ROBO1: variants seen among roughly 807,000 people sequenced by gnomAD.
ROBO1 encodes roundabout homolog 1.
ROBO1 carries 149 observed loss-of-function variants against 195.9 expected under a neutral mutation model. The observed-to-expected ratio is 0.76, with a 90% CI of 0.67 to 0.87. ROBO1 has a LOEUF of 0.87. Among genes scored for constraint, ROBO1 ranks in the 40% least tolerant of loss-of-function variants. The pLI is 0.00. For missense variants in ROBO1, 1,933 were observed against 2,068.3 expected (o/e 0.93, Z 1.27); for synonymous variants, 816 against 733.2 (o/e 1.11, Z -1.82).
At chr3:79,162,072 C>A (rs1203489537) in intron 2 of ROBO1, among the ~76,000 whole-genome samples, 1 of 151,806 alleles carries the variant, frequency 6.6e-6, no homozygotes, top group African/African-American at 2.4e-5. Context: ...TGTTTTGAAT[C>A]AGGAAGAGAA....
intron 3 of ROBO1, among the ~76,000 whole-genome samples, chr3:79,025,218 C>A (rs982670247): frequency 6.6e-5 from 10 of 152,156 alleles, no homozygotes; most frequent in Admixed American, 5.9e-4. Context: ...AATCTGTGAA[C>A]TCGCACTCTC....
At chr3:78,764,983 T>G (rs1036637745) in intron 4 of ROBO1, among the ~76,000 whole-genome samples, 1 of 152,200 alleles carries the variant, frequency 6.6e-6, no homozygotes, top group Non-Finnish European at 1.5e-5. Flanking sequence ...ATAGTCGTGA[T>G]TTTGATTCAA....
At chr3:78,776,030 T>A (rs1446993416) in intron 4 of ROBO1, among the ~76,000 whole-genome samples, 2 of 152,168 alleles carry the variant, frequency 1.3e-5, no homozygotes, top group Non-Finnish European at 2.9e-5. Context: ...CAGAATTACA[T>A]CTTTATGGTT....
chr3:79,600,857 AATG>A (rs1287827847), intron 1 of ROBO1, among the ~76,000 whole-genome samples: 2 of 152,016 alleles, frequency 1.3e-5, no homozygotes, highest in Non-Finnish European at 2.9e-5. Context: ...ATTATACTAA[AATG>A]ATGATTTTTG....
chr3:79,277,527 A>G (rs961594052), intron 2 of ROBO1, among the ~76,000 whole-genome samples: 16 of 152,202 alleles, frequency 1.1e-4, no homozygotes, highest in African/African-American at 3.4e-4. Context: ...GTACAAAAAT[A>G]TGGTTATATA....
intron 4 of ROBO1, among the ~76,000 whole-genome samples, chr3:78,832,792 T>G (rs927512824): frequency 6.6e-6 from 1 of 152,084 alleles, no homozygotes; most frequent in Non-Finnish European, 1.5e-5. Flanking sequence ...TTCTTGAGGA[T>G]AACAGTGAAA....
At chr3:79,589,487 G>T (rs1165198057) in intron 2 of ROBO1, among the ~76,000 whole-genome samples, 1 of 151,564 alleles carries the variant, frequency 6.6e-6, no homozygotes, top group East Asian at 1.9e-4. Context: ...CTGTGGCTTA[G>T]GTTTCCTTTG....
intron 2 of ROBO1, among the ~76,000 whole-genome samples, chr3:79,532,591 G>A (rs1325083661): frequency 4.6e-5 from 7 of 151,566 alleles, no homozygotes; most frequent in Non-Finnish European, 8.8e-5. Flanking sequence ...AGAGCAACAG[G>A]CAACACATAT....
At chr3:78,916,378 C>A (rs540167146) in intron 4 of ROBO1, among the ~76,000 whole-genome samples, 59 of 151,586 alleles carry the variant, frequency 3.9e-4, no homozygotes, top group Non-Finnish European at 6.6e-4. Flanking sequence ...GTGGTGAAAC[C>A]CCATCTCTAC....
intron 2 of ROBO1, among the ~76,000 whole-genome samples, chr3:79,537,990 A>G (rs11714977): frequency 0.57 from 86,942 of 151,996 alleles, 24,985 homozygotes; most frequent in Non-Finnish European, 0.6. Flanking sequence ...AAAGTTTACA[A>G]ATTTGTGTTG....
intron 28 of ROBO1, chr3:78,607,338 G>A (rs1434204873): frequency 3.4e-5 from 11 of 321,558 alleles, no homozygotes; most frequent in South Asian, 8.4e-5. Context: ...TCAGCCTCCC[G>A]AGTAGCTAGG....
At chr3:78,755,442 C>T (rs1017719627) in intron 4 of ROBO1, among the ~76,000 whole-genome samples, 2 of 151,992 alleles carry the variant, frequency 1.3e-5, no homozygotes, top group Admixed American at 1.3e-4. Context: ...CTACTGCATT[C>T]CAGCCTGAGC....
intron 3 of ROBO1, among the ~76,000 whole-genome samples, chr3:78,970,173 A>T (rs2076732330): frequency 6.6e-6 from 1 of 152,184 alleles, no homozygotes; most frequent in African/African-American, 2.4e-5. Flanking sequence ...TTTTCATTAT[A>T]TTGATTTTGA....
chr3:79,371,075 C>G (rs553833770), intron 2 of ROBO1, among the ~76,000 whole-genome samples: 1 of 152,038 alleles, frequency 6.6e-6, no homozygotes, highest in Non-Finnish European at 1.5e-5. Context: ...TTTTCTTTAT[C>G]TAGTCTATTA....
At chr3:78,659,867 T>G (rs1707276422) in intron 16 of ROBO1, 60 bp from the exon 17 acceptor site, 2 of 1,416,116 alleles carry the variant, frequency 1.4e-6, no homozygotes, top group Non-Finnish European at 1.9e-6. Flanking sequence ...TGAAAGCAGG[T>G]AATTAATATC....
intron 2 of ROBO1, among the ~76,000 whole-genome samples, chr3:79,398,590 G>T (rs1175383207): frequency 6.6e-6 from 1 of 152,006 alleles, no homozygotes; most frequent in Non-Finnish European, 1.5e-5. Flanking sequence ...TAGCTTCTAG[G>T]CTCAGTTAAT....
At chr3:79,274,300 C>T (rs1218558020) in intron 2 of ROBO1, among the ~76,000 whole-genome samples, 3 of 151,712 alleles carry the variant, frequency 2.0e-5, no homozygotes, top group Non-Finnish European at 4.4e-5. Context: ...TGTCAAATAT[C>T]TTCTCTGACC....
At chr3:78,847,984 C>T (rs571240144) in intron 4 of ROBO1, among the ~76,000 whole-genome samples, 7 of 152,058 alleles carry the variant, frequency 4.6e-5, no homozygotes, top group Non-Finnish European at 1.0e-4. Flanking sequence ...AACTAATAAT[C>T]CTTCTGACTT....
At chr3:79,024,810 C>T (rs763271789) in intron 3 of ROBO1, among the ~76,000 whole-genome samples, 15 of 152,266 alleles carry the variant, frequency 9.9e-5, no homozygotes, top group South Asian at 2.1e-4. Context: ...CTGCATATGA[C>T]GGTTACTTGG....
Sources: allele counts gnomAD v4.1 joint callset (sites outside exome capture counted in the v4.1 genomes callset), GRCh38; gene constraint gnomAD v4.1.1; transcripts MANE v1.5; gene names NCBI Gene and HGNC (gene_info 2026-07-23, HGNC 2026-07-21).